Variants in ATL2 observed in about 807,000 individuals in gnomAD.
ATL2 encodes atlastin-2.
ATL2 carries 31 observed loss-of-function variants against 73.9 expected under a neutral mutation model. The observed-to-expected ratio is 0.42, with a 90% CI of 0.32 to 0.57. ATL2 has a LOEUF of 0.57. Ranked by LOEUF, ATL2 falls within the 20% of genes least tolerant of loss-of-function variation. The pLI is 0.14. For synonymous variants in ATL2, 291 were observed against 237.5 expected (o/e 1.23, Z -2.07); for missense variants, 738 against 702.6 (o/e 1.05, Z -0.57).
Position 38,298,133 on chromosome 2 carries a change from T to G in ATL2, c.1632+11A>C. On this transcript the variant is annotated intron_variant, in intron 12 of 12. Transcript: ENST00000378954. The stretch of plus-strand genomic sequence containing the variant: ...GATTAGTCACTAAAAAACCAAAAGA[T>G]AGATACCAACCTGTTCCCATAGTGT... 1.3e-6 allele frequency: 2 copies of G among 1,589,308 alleles called. No individual in the cohort carries two copies. Among genetic ancestry groups the G allele is most frequent in the South Asian group, 1.1e-5 (1 of 87,208 alleles).
intron 9 of ATL2, among the ~76,000 whole-genome samples, chr2:38,301,401 C>T (rs1035857771): frequency 3.3e-5 from 5 of 152,196 alleles, no homozygotes; most frequent in African/African-American, 1.2e-4. Context: ...TAAAAAACCA[C>T]CTTCATAAGA....
intron 2 of ATL2, 106 bp downstream of exon 2, chr2:38,343,149 TAAAAAAAAAAAAA>T (rs59215933): frequency 0.084 from 30,606 of 363,006 alleles, 701 homozygotes; most frequent in South Asian, 0.16. Flanking sequence ...CCACTTAAAT[TAAAAAAAAAAAAA>T]AAAAAAAAAA....
chr2:38,360,365 G>A (rs1312509995), intron 1 of ATL2, among the ~76,000 whole-genome samples: 2 of 151,166 alleles, frequency 1.3e-5, no homozygotes, highest in African/African-American at 2.4e-5. Flanking sequence ...AGCTCACTGT[G>A]GCCTTGACCC....
At chr2:38,310,037 T>C (rs866793189) in intron 8 of ATL2, among the ~76,000 whole-genome samples, 3 of 152,288 alleles carry the variant, frequency 2.0e-5, no homozygotes, top group Middle Eastern at 6.8e-3. Context: ...CTGCAATCAA[T>C]TGAAAAGAAA....
chr2:38,325,906 TAAAAA>T (rs761254087), intron 2 of ATL2, among the ~76,000 whole-genome samples: 1 of 52,028 alleles, frequency 1.9e-5, no homozygotes, highest in Non-Finnish European at 4.8e-5. Context: ...TTTGTTTGTT[TAAAAA>T]AAAAAAAAAA....
chr2:38,325,113 C>A (rs980582289), intron 2 of ATL2, among the ~76,000 whole-genome samples: 1 of 152,228 alleles, frequency 6.6e-6, no homozygotes, highest in Non-Finnish European at 1.5e-5. Context: ...GCAGACACGT[C>A]TTGTAATTAA....
At chr2:38,377,090 G>GCGAGCGTCTCTCCC (rs1558470363) in intron 1 of ATL2, 53 bp downstream of exon 1, 11 of 1,549,776 alleles carry the variant, frequency 7.1e-6, no homozygotes, top group Non-Finnish European at 7.9e-6. Context: ...AGCCCGAGCA[G>GCGAGCGTCTCTCCC]CGAGCGTCTC....
intron 1 of ATL2, among the ~76,000 whole-genome samples, chr2:38,356,001 T>G (rs1187322415): frequency 2.6e-5 from 4 of 151,176 alleles, no homozygotes; most frequent in Admixed American, 1.3e-4. Context: ...CTGGCCACAT[T>G]TGGAGAGTTT....
intron 1 of ATL2, among the ~76,000 whole-genome samples, chr2:38,355,541 A>G (rs999957083): frequency 6.6e-6 from 1 of 152,200 alleles, no homozygotes; most frequent in African/African-American, 2.4e-5. Context: ...GTAGCTACAT[A>G]AACATCAAAG....
intron 4 of ATL2, among the ~76,000 whole-genome samples, chr2:38,315,633 T>G (rs1157765022): frequency 6.6e-6 from 1 of 152,172 alleles, no homozygotes; most frequent in Non-Finnish European, 1.5e-5. Context: ...TTTCTTGTAC[T>G]CCTTCTCTAA....
At chr2:38,364,491 A>G (rs759378932) in intron 1 of ATL2, among the ~76,000 whole-genome samples, 8 of 152,356 alleles carry the variant, frequency 5.3e-5, no homozygotes, top group Middle Eastern at 3.4e-3. Context: ...GTGACAGTAA[A>G]AATGGAAGAG....
chr2:38,295,871 G>A lies in ATL2; in HGVS notation c.*123C>T. ...TTCACACTCTGTGGCAGCCATCTGT[G>A]AAGCCAGTTACACTAAACTACTTCT... On this transcript the variant is annotated 3_prime_UTR_variant, in exon 13 of 13. Coordinates refer to ENST00000378954, the MANE Select transcript of ATL2 (RefSeq NM_001135673.4). 1.3e-6 allele frequency: 1 copy of A among 787,734 alleles called. No homozygotes were observed. The highest frequency in any genetic ancestry group is 1.9e-6 in the Non-Finnish European group (1 of 513,054). 48.8% of individuals were successfully genotyped at this position (787,734 alleles called of 1,614,324 possible).
intron 1 of ATL2, among the ~76,000 whole-genome samples, chr2:38,364,992 T>C (rs1183627463): frequency 1.3e-5 from 2 of 150,296 alleles, no homozygotes; most frequent in African/African-American, 4.9e-5. Context: ...TGCAGTGAGC[T>C]GAGATCACGC....
At chr2:38,350,052 A>G (rs931374940) in intron 1 of ATL2, among the ~76,000 whole-genome samples, 3 of 152,236 alleles carry the variant, frequency 2.0e-5, no homozygotes, top group Non-Finnish European at 2.9e-5. Context: ...TTTCATTAGG[A>G]TACCTGTAAA....
Position 38,370,897 on chromosome 2 carries a change from G to A in ATL2, c.118+6246C>T, listed in dbSNP as rs551194008. Among the ~76,000 whole-genome samples the A allele has an allele frequency of 1.6e-4, 24 of 151,988 alleles. No homozygotes were observed. The Middle Eastern group carries it at 0.017, about 108-fold the overall frequency. On this transcript the variant is annotated intron_variant, in intron 1 of 12. Coordinates refer to ENST00000378954, the MANE Select transcript of ATL2 (RefSeq NM_001135673.4). Reference sequence around the variant, plus strand: ...GGGTGCACCCCAGAAGTTCAAGGTTGCAGCGAGCTATGATTGAGCCACTGC... The same window carrying A: ...GGGTGCACCCCAGAAGTTCAAGGTTACAGCGAGCTATGATTGAGCCACTGC...
At chr2:38,367,708 C>A (rs1456787463) in intron 1 of ATL2, among the ~76,000 whole-genome samples, 1 of 149,940 alleles carries the variant, frequency 6.7e-6, no homozygotes, top group African/African-American at 2.5e-5. Context: ...TCTCGGCTCA[C>A]TGCCACCTCC....
chr2:38,376,420 C>A, intron 1 of ATL2: 1 of 376,032 alleles, frequency 2.7e-6, no homozygotes, highest in Non-Finnish European at 4.6e-6. Context: ...GTGATCAGGC[C>A]TTACTATCGT....
chr2:38,297,959 A>T lies in ATL2; in HGVS notation c.1632+185T>A. The T allele has an allele frequency of 6.5e-6, 4 of 611,622 alleles. No homozygotes were observed. The South Asian group carries it at 9.2e-5, about 14-fold the overall frequency. The allele number at this position is 611,622 out of a possible 1,614,324, so 37.9% of individuals were successfully genotyped here. ...AGTACAGATTTAGGCTAACCAAAGT[A>T]CATTAAAATTATAACTTTAAAGAAA... On this transcript the variant is annotated intron_variant, in intron 12 of 12. Coordinates refer to ENST00000378954, the MANE Select transcript of ATL2 (RefSeq NM_001135673.4).
Position 38,377,042 on chromosome 2 carries a change from G to A in ATL2, c.118+101C>T, listed in dbSNP as rs866786953. Reference sequence around the variant, plus strand: ...CGGCGGGAGGAGACCTGAACCAGCCGCGGACTCCGACCCCGCCGCCTGCGG... The same window carrying A: ...CGGCGGGAGGAGACCTGAACCAGCCACGGACTCCGACCCCGCCGCCTGCGG... On this transcript the variant is annotated intron_variant, in intron 1 of 12. Transcript: ENST00000378954. 2.1e-5 allele frequency: 23 copies of A among 1,101,418 alleles called. No individual in the cohort carries two copies. In the African/African-American group the frequency reaches 3.2e-4, roughly 15 times the overall value. 68.2% of individuals were successfully genotyped at this position (1,101,418 alleles called of 1,614,324 possible). A position where few individuals can be genotyped will look rare whatever the true frequency, so the allele number is the denominator to read the frequency against.
Sources: gnomAD v4.1 joint callset for allele counts (sites outside exome capture counted in the v4.1 genomes callset) on GRCh38, gnomAD v4.1.1 for gene constraint, MANE v1.5 for transcripts, NCBI Gene and HGNC (gene_info 2026-07-23, HGNC 2026-07-21) for gene names.